The following XPOT variants were observed in gnomAD, a reference collection of about 807,000 sequenced individuals.
XPOT encodes the protein exportin for tRNA.
XPOT carries 34 observed loss-of-function variants against 128.2 expected under a neutral mutation model. That is an observed-to-expected ratio of 0.27 (90% CI 0.20 to 0.35). The LOEUF (loss-of-function observed/expected upper bound fraction) is 0.35, where lower values mean the gene tolerates loss of function less well. XPOT is among the 10% of genes least tolerant of loss of function. XPOT has a pLI of 1.00. For synonymous variants in XPOT, 348 were observed against 394.3 expected (o/e 0.88, Z 1.39); for missense variants, 838 against 1,125.3 (o/e 0.74, Z 3.65).
rs2040242484 is a variant in XPOT, at chr12:64,431,936, C to T, written c.2262+113C>T. 3.8e-6 allele frequency: 4 copies of T among 1,041,660 alleles called. No individual in the cohort carries two copies. The East Asian group carries it at 9.7e-5, about 25-fold the overall frequency. 64.5% of individuals were successfully genotyped at this position (1,041,660 alleles called of 1,614,324 possible). Reference sequence around the variant, plus strand: ...CTTTTTTTTTGCTTTTAATGAATTACTTAAGAGCCTCATGGATCATATGTA... The same window carrying T: ...CTTTTTTTTTGCTTTTAATGAATTATTTAAGAGCCTCATGGATCATATGTA... On this transcript the variant is annotated intron_variant, in intron 18 of 24. Coordinates refer to ENST00000332707, the MANE Select transcript of XPOT (RefSeq NM_007235.6).
rs2040307789 is a variant in XPOT, at chr12:64,439,463, AT to A, written c.2805+152del. 3 of 683,858 alleles carry A rather than the reference AT, an allele frequency of 4.4e-6. No individual in the cohort carries two copies. In the South Asian group the frequency reaches 5.6e-5, roughly 13 times the overall value. 42.4% of individuals were successfully genotyped at this position (683,858 alleles called of 1,614,324 possible). On this transcript the variant is annotated intron_variant, in intron 23 of 24. Coordinates refer to ENST00000332707, the MANE Select transcript of XPOT (RefSeq NM_007235.6). ...CAAAATACTGTTTATGCTTATCACCATTTTGAAATTATGAGTTACTAAGTAA... is the reference window on the plus strand; with the variant it reads ...CAAAATACTGTTTATGCTTATCACCATTTGAAATTATGAGTTACTAAGTAA...
chr12:64,435,084 A>G (rs1020099041), intron 21 of XPOT, among the ~76,000 whole-genome samples, 175 bp downstream of exon 21: 1 of 151,886 alleles, frequency 6.6e-6, no homozygotes, highest in African/African-American at 2.4e-5. Context: ...ATGAATTCTT[A>G]TTGAATCCCA....
rs1291850633 is a variant in XPOT at position 64,450,086 on chromosome 12, C to T, written c.*1955C>T. 1 of 151,982 alleles carries T rather than the reference C, an allele frequency of 6.6e-6. No individual in the cohort carries two copies. The highest frequency in any genetic ancestry group is 1.5e-5 in the Non-Finnish European group (1 of 67,992). The allele number at this position is 151,982 out of a possible 1,614,324, so 9.4% of individuals were successfully genotyped here. ...TATTACAGTAGCTGGCACATAAAGA[C>T]TTGATAGTAGTTTATATGGATGCTA... On this transcript the variant is annotated 3_prime_UTR_variant, in exon 25 of 25. Coordinates refer to ENST00000332707, the MANE Select transcript of XPOT (RefSeq NM_007235.6).
chr12:64,436,807 C>T (rs908112404), intron 22 of XPOT, among the ~76,000 whole-genome samples: 4 of 152,214 alleles, frequency 2.6e-5, no homozygotes, highest in Non-Finnish European at 5.9e-5. Flanking sequence ...TCTTGAACTC[C>T]TGGGCTCAAA....
chr12:64,423,316 C>G, intron 11 of XPOT, 72 bp downstream of exon 11: 1 of 1,078,800 alleles, frequency 9.3e-7, no homozygotes. Flanking sequence ...ATTTCAAGTT[C>G]TTATTGTTTC....
At chr12:64,434,331 C>T (rs2040265123) in intron 19 of XPOT, among the ~76,000 whole-genome samples, 176 bp from the exon 20 acceptor site, 1 of 152,088 alleles carries the variant, frequency 6.6e-6, no homozygotes, top group Non-Finnish European at 1.5e-5. Flanking sequence ...CTTTAGGTGC[C>T]CAGTTAATAA....
chr12:64,416,827 C>A, intron 4 of XPOT, 73 bp downstream of exon 4: 1 of 1,295,850 alleles, frequency 7.7e-7, no homozygotes, highest in Non-Finnish European at 1.1e-6. Context: ...GTTTTTCTTC[C>A]ATAAGGAAAC....
At position 64,410,164 on chromosome 12, in the gene XPOT, A is replaced by T; in HGVS notation, c.60+69A>T. ...ATTGGCATTAGAGGACTTGAATAAA[A>T]ATGCACCTGGCAAAAGTTTACTTTG... On this transcript the variant is annotated intron_variant, in intron 2 of 24. Transcript: ENST00000332707. The T allele has an allele frequency of 2.0e-6, 3 of 1,466,196 alleles. No individual in the cohort carries two copies. The South Asian group carries it at 3.5e-5, about 17-fold the overall frequency. The allele number at this position is 1,466,196 out of a possible 1,614,324, so 90.8% of individuals were successfully genotyped here. A position where few individuals can be genotyped will look rare whatever the true frequency, so the allele number is the denominator to read the frequency against.
intron 1 of XPOT, among the ~76,000 whole-genome samples, chr12:64,406,350 A>G (rs561152504): frequency 1.3e-5 from 2 of 151,444 alleles, no homozygotes; most frequent in South Asian, 4.2e-4. Context: ...CTGGGATTAC[A>G]GGCGTGAGCC....
chr12:64,425,901 A>C lies in XPOT; in HGVS notation c.1659A>C (p.Lys553Asn). ...RTAYLFSRFV[K>N]SLNKQMNPFI... ...CTTACCTGTTTTCTAGATTTGTCAA[A>C]TCTCTCAAGTAAGTATAAAATTGCA... The change falls in exon 15 of 25, where the codon AAA becomes AAC. Residue 553 changes from lysine to asparagine, a missense_variant. Coordinates refer to ENST00000332707, the MANE Select transcript of XPOT (RefSeq NM_007235.6). 2 of 1,613,852 alleles carry C rather than the reference A, an allele frequency of 1.2e-6. No individual in the cohort carries two copies. Among genetic ancestry groups the C allele is most frequent in the Non-Finnish European group, 1.7e-6 (2 of 1,179,706 alleles).
chr12:64,435,333 G>A (rs2040273710), intron 21 of XPOT, among the ~76,000 whole-genome samples: 1 of 152,106 alleles, frequency 6.6e-6, no homozygotes, highest in African/African-American at 2.4e-5. Context: ...AATACTTAAT[G>A]TCAATTTCCG....
At chr12:64,417,295 G>C (rs1005291878) in intron 4 of XPOT, among the ~76,000 whole-genome samples, 17 of 152,224 alleles carry the variant, frequency 1.1e-4, no homozygotes, top group African/African-American at 3.6e-4. Flanking sequence ...TATGATCTCA[G>C]CACTTTGGGA....
chr12:64,436,320 A>G (rs554062250), intron 22 of XPOT, among the ~76,000 whole-genome samples: 2 of 151,958 alleles, frequency 1.3e-5, no homozygotes, highest in African/African-American at 4.8e-5. Context: ...CAGTGGTGCA[A>G]TCTGGGGTCA....
intron 9 of XPOT, among the ~76,000 whole-genome samples, chr12:64,422,617 G>A (rs2040149085): frequency 6.6e-6 from 1 of 152,140 alleles, no homozygotes; most frequent in Non-Finnish European, 1.5e-5. Context: ...ATTGATTACA[G>A]GCCAGGCATA....
At chr12:64,439,360 G>A (rs1418055107) in intron 23 of XPOT, 45 bp downstream of exon 23, 2 of 1,524,540 alleles carry the variant, frequency 1.3e-6, no homozygotes, top group Non-Finnish European at 1.8e-6. Context: ...GATCACAGTA[G>A]TAGCAGCATT....
rs142732481 is a variant in XPOT, at chr12:64,432,466, G to A, written c.2262+643G>A. 4.8e-3 allele frequency among the ~76,000 whole-genome samples: 732 copies of A among 152,188 alleles called. 5 individuals carry two copies. The highest frequency in any genetic ancestry group is 0.017 in the African/African-American group (686 of 41,522). On this transcript the variant is annotated intron_variant, in intron 18 of 24. Transcript: ENST00000332707. ...TCCCCATGTTGACCAGGCTAATCTCGAACTCCTGACCTCAAGTGATCCTCC... is the reference window on the plus strand; with the variant it reads ...TCCCCATGTTGACCAGGCTAATCTCAAACTCCTGACCTCAAGTGATCCTCC...
At chr12:64,430,917 C>A (rs572720270) in intron 17 of XPOT, among the ~76,000 whole-genome samples, 12 of 152,126 alleles carry the variant, frequency 7.9e-5, no homozygotes, top group African/African-American at 2.9e-4. Context: ...TCCACTTTGT[C>A]AGTAGGATTT....
chr12:64,408,266 T>C (rs780668979), intron 1 of XPOT, among the ~76,000 whole-genome samples: 5 of 151,918 alleles, frequency 3.3e-5, no homozygotes, highest in Non-Finnish European at 7.4e-5. Flanking sequence ...TGTGCCACCA[T>C]GCTCCACTAA....
intron 24 of XPOT, among the ~76,000 whole-genome samples, chr12:64,446,342 TCA>T (rs1330718341): frequency 6.6e-6 from 1 of 152,214 alleles, no homozygotes; most frequent in African/African-American, 2.4e-5. Flanking sequence ...ATCATAATTC[TCA>T]GTGTTAGCAT....
Sources: allele counts gnomAD v4.1 joint callset (sites outside exome capture counted in the v4.1 genomes callset), GRCh38; gene constraint gnomAD v4.1.1; transcripts MANE v1.5; gene names NCBI Gene and HGNC (gene_info 2026-07-23, HGNC 2026-07-21).